Variants in OPCML observed in about 807,000 individuals in gnomAD.
The protein encoded by OPCML is opioid-binding protein/cell adhesion molecule.
In OPCML, 13 loss-of-function variants were observed where a neutral mutation model predicts 37.8. The observed-to-expected ratio is 0.34, with a 90% CI of 0.22 to 0.55. The LOEUF is 0.55. Among genes scored for constraint, OPCML ranks in the 20% least tolerant of loss-of-function variants. The pLI is 0.91. For missense variants in OPCML, 341 were observed against 435.6 expected (o/e 0.78, Z 1.93); for synonymous variants, 176 against 168.8 (o/e 1.04, Z -0.33).
intron 2 of OPCML, among the ~76,000 whole-genome samples, chr11:132,890,682 TA>T (rs368939079): frequency 1.7e-3 from 223 of 134,198 alleles, no homozygotes; most frequent in Admixed American, 2.9e-3. Context: ...CTGTCTCTAC[TA>T]AAAAAAAAAA....
chr11:133,145,580 A>G (rs940643148), intron 1 of OPCML, among the ~76,000 whole-genome samples: 6 of 152,218 alleles, frequency 3.9e-5, no homozygotes, highest in East Asian at 1.9e-4. Flanking sequence ...TCTGAATGCA[A>G]TGAAGAGCCA....
chr11:133,058,255 A>G (rs1321035267), intron 1 of OPCML, among the ~76,000 whole-genome samples: 1 of 152,238 alleles, frequency 6.6e-6, no homozygotes, highest in Non-Finnish European at 1.5e-5. Context: ...TCAGGAAAGA[A>G]ATCACCGAGA....
chr11:133,215,672 C>G (rs1939553925), intron 1 of OPCML, among the ~76,000 whole-genome samples: 1 of 152,138 alleles, frequency 6.6e-6, no homozygotes, highest in African/African-American at 2.4e-5. Flanking sequence ...AGAATTGCAT[C>G]AGAACGTCTA....
At chr11:132,608,930 C>A (rs1261380121) in intron 3 of OPCML, among the ~76,000 whole-genome samples, 3 of 152,098 alleles carry the variant, frequency 2.0e-5, no homozygotes, top group Non-Finnish European at 2.9e-5. Context: ...ATTTTTCTTT[C>A]TTTTCATTGC....
intron 1 of OPCML, among the ~76,000 whole-genome samples, chr11:133,010,319 T>C (rs1182339857): frequency 6.6e-6 from 1 of 152,198 alleles, no homozygotes; most frequent in East Asian, 1.9e-4. Context: ...ACAGAAAGTG[T>C]TTGTCATTAT....
At chr11:132,546,649 T>C (rs929377860) in intron 3 of OPCML, among the ~76,000 whole-genome samples, 6 of 152,220 alleles carry the variant, frequency 3.9e-5, no homozygotes, top group Non-Finnish European at 4.4e-5. Context: ...GCTCTACCAT[T>C]TATTTCCCAG....
intron 1 of OPCML, among the ~76,000 whole-genome samples, chr11:133,107,160 C>G (rs1477531634): frequency 2.6e-5 from 4 of 152,354 alleles, no homozygotes. Context: ...TGTGGTAGAA[C>G]AGTGGGCCCT....
intron 3 of OPCML, among the ~76,000 whole-genome samples, chr11:132,614,060 CCATGCCCAAGTAGAAAA>C (rs1938832309): frequency 6.6e-6 from 1 of 152,120 alleles, no homozygotes; most frequent in South Asian, 2.1e-4. Flanking sequence ...TATTCCATAA[CCATGCCCAAGTAGAAAA>C]AGGCATTCAA....
intron 1 of OPCML, among the ~76,000 whole-genome samples, chr11:133,015,434 A>AAGTCATT: frequency 7.4e-6 from 1 of 135,812 alleles, no homozygotes; most frequent in Non-Finnish European, 1.7e-5. Context: ...GAAGGAATGA[A>AAGTCATT]GGAAGGAAGG....
intron 1 of OPCML, among the ~76,000 whole-genome samples, chr11:133,377,839 G>A (rs1944848323): frequency 6.6e-6 from 1 of 152,140 alleles, no homozygotes; most frequent in Non-Finnish European, 1.5e-5. Flanking sequence ...GATGAATAGA[G>A]AGGGAGAGAG....
At chr11:132,835,294 G>A (rs1012024422) in intron 2 of OPCML, among the ~76,000 whole-genome samples, 12 of 152,172 alleles carry the variant, frequency 7.9e-5, no homozygotes, top group Admixed American at 4.6e-4. Flanking sequence ...GGAAGTGTGG[G>A]GTTAGTACAA....
At chr11:132,876,329 G>T (rs115725919) in intron 2 of OPCML, among the ~76,000 whole-genome samples, 2,175 of 152,270 alleles carry the variant, frequency 0.014, 50 homozygotes, top group African/African-American at 0.05. Flanking sequence ...AAGTATCCTA[G>T]CAACTCCTGA....
At chr11:133,367,864 C>A (rs1045601553) in intron 1 of OPCML, among the ~76,000 whole-genome samples, 1 of 152,166 alleles carries the variant, frequency 6.6e-6, no homozygotes, top group Admixed American at 6.5e-5. Context: ...CCAGTAGCAG[C>A]CCAGCATCTG....
chr11:133,369,216 A>T (rs7938162), intron 1 of OPCML, among the ~76,000 whole-genome samples: 13,265 of 152,290 alleles, frequency 0.087, 634 homozygotes, highest in Admixed American at 0.15. Flanking sequence ...GTTAAGCAAT[A>T]ACTTAAATGA....
chr11:133,408,303 G>T (rs1945566118), intron 1 of OPCML, among the ~76,000 whole-genome samples: 1 of 152,188 alleles, frequency 6.6e-6, no homozygotes, highest in Admixed American at 6.5e-5. Context: ...AGTGACAGTG[G>T]TCACAATGGT....
intron 1 of OPCML, among the ~76,000 whole-genome samples, chr11:133,461,930 C>T (rs1390336550): frequency 3.3e-5 from 5 of 151,744 alleles, no homozygotes; most frequent in African/African-American, 4.8e-5. Flanking sequence ...TAATGACAGA[C>T]GTTTAAACCA....
chr11:132,883,344 T>A (rs961543464), intron 2 of OPCML, among the ~76,000 whole-genome samples: 2 of 151,934 alleles, frequency 1.3e-5, no homozygotes, highest in East Asian at 3.9e-4. Context: ...TAGTGATTCT[T>A]TATAGAAAAC....
chr11:132,689,711 G>A (rs1197933366), intron 2 of OPCML, among the ~76,000 whole-genome samples: 1 of 152,198 alleles, frequency 6.6e-6, no homozygotes, highest in Non-Finnish European at 1.5e-5. Context: ...TTCCAACTCA[G>A]CCCTGCCATT....
intron 4 of OPCML, among the ~76,000 whole-genome samples, chr11:132,513,984 G>A (rs2096274410): frequency 6.6e-6 from 1 of 152,138 alleles, no homozygotes; most frequent in Non-Finnish European, 1.5e-5. Flanking sequence ...GACTGAACAA[G>A]TGCATGAATA....
Sources: allele counts gnomAD v4.1 joint callset (sites outside exome capture counted in the v4.1 genomes callset), GRCh38; gene constraint gnomAD v4.1.1; transcripts MANE v1.5; gene names NCBI Gene and HGNC (gene_info 2026-07-23, HGNC 2026-07-21).